The following FYN variants were observed in gnomAD, a reference collection of about 807,000 sequenced individuals.
FYN encodes tyrosine-protein kinase Fyn.
A neutral mutation model predicts 70.2 loss-of-function variants in FYN; 10 were observed. The ratio of observed to expected loss-of-function variants is 0.14; its 90% CI spans 0.09 to 0.24. The LOEUF is 0.24. Among genes scored for constraint, FYN ranks in the 10% least tolerant of loss-of-function variants. FYN has a pLI of 1.00. For synonymous variants in FYN, 236 were observed against 248.6 expected, an observed-to-expected ratio of 0.95 and a Z score of 0.48; for missense variants, 319 against 673.1, an observed-to-expected ratio of 0.47 and a Z score of 5.82.
At chr6:111,848,528 T>G (rs1035601718) in intron 1 of FYN, among the ~76,000 whole-genome samples, 1 of 152,218 alleles carries the variant, frequency 6.6e-6, no homozygotes, top group Non-Finnish European at 1.5e-5. Context: ...ATCCAATTTC[T>G]TTTTCAGGCT....
At chr6:111,727,808 A>T (rs1801259970) in intron 3 of FYN, among the ~76,000 whole-genome samples, 1 of 152,230 alleles carries the variant, frequency 6.6e-6, no homozygotes, top group Admixed American at 6.5e-5. Flanking sequence ...TACTTTAAGA[A>T]TAAGCCATAC....
chr6:111,746,879 C>CAG (rs148839242), intron 3 of FYN, among the ~76,000 whole-genome samples: 55 of 150,532 alleles, frequency 3.7e-4, no homozygotes, highest in Admixed American at 9.9e-4. Flanking sequence ...GAATGAGAGA[C>CAG]AGAGAGAGAG....
chr6:111,724,679 C>T (rs913143703), intron 3 of FYN, among the ~76,000 whole-genome samples: 1 of 152,186 alleles, frequency 6.6e-6, no homozygotes, highest in African/African-American at 2.4e-5. Context: ...AAACCGACAA[C>T]AAATAACTTT....
chr6:111,693,656 G>A (rs2128434606), intron 12 of FYN, among the ~76,000 whole-genome samples: 1 of 152,220 alleles, frequency 6.6e-6, no homozygotes, highest in South Asian at 2.1e-4. Context: ...GATGATGAAA[G>A]GAGGTAGAGA....
At chr6:111,742,967 CT>C (rs111682950) in intron 3 of FYN, among the ~76,000 whole-genome samples, 43,489 of 139,030 alleles carry the variant, frequency 0.31, 6,921 homozygotes, top group East Asian at 0.45. Context: ...TGATAAGAAT[CT>C]TTTTTTTTTT....
At chr6:111,772,228 G>T (rs562899147) in intron 3 of FYN, among the ~76,000 whole-genome samples, 1 of 152,246 alleles carries the variant, frequency 6.6e-6, no homozygotes, top group South Asian at 2.1e-4. Context: ...CAAAATCCAG[G>T]TGACCATCAA....
intron 2 of FYN, among the ~76,000 whole-genome samples, chr6:111,837,860 C>G (rs1417327558): frequency 6.6e-6 from 1 of 152,190 alleles, no homozygotes; most frequent in Non-Finnish European, 1.5e-5. Flanking sequence ...TCATGGCAGC[C>G]TTATCTGGAG....
intron 5 of FYN, among the ~76,000 whole-genome samples, chr6:111,713,271 A>G (rs1186859492): frequency 6.6e-6 from 1 of 152,136 alleles, no homozygotes; most frequent in Non-Finnish European, 1.5e-5. Context: ...TGTGGCAATC[A>G]GCACTCCTCT....
intron 10 of FYN, among the ~76,000 whole-genome samples, chr6:111,695,360 G>A (rs1472175415): frequency 1.3e-5 from 2 of 152,270 alleles, no homozygotes; most frequent in South Asian, 4.1e-4. Context: ...TTAGATCACA[G>A]CCAGCCAAGC....
chr6:111,692,674 G>A (rs1023682312), intron 12 of FYN, among the ~76,000 whole-genome samples: 2 of 152,184 alleles, frequency 1.3e-5, no homozygotes, highest in Non-Finnish European at 2.9e-5. Context: ...CACACAGAAG[G>A]GTGAGCACAC....
At chr6:111,688,581 G>A (rs931663672) in intron 12 of FYN, among the ~76,000 whole-genome samples, 4 of 152,166 alleles carry the variant, frequency 2.6e-5, no homozygotes, top group South Asian at 2.1e-4. Context: ...CAGTAAGACC[G>A]ACTCCACAGA....
intron 12 of FYN, among the ~76,000 whole-genome samples, chr6:111,685,018 A>T (rs1798935902): frequency 6.6e-6 from 1 of 151,380 alleles, no homozygotes; most frequent in African/African-American, 2.4e-5. Flanking sequence ...CTGTAAAGAG[A>T]AAACAAAACA....
chr6:111,745,766 C>T (rs1802180675), intron 3 of FYN, among the ~76,000 whole-genome samples: 1 of 152,204 alleles, frequency 6.6e-6, no homozygotes, highest in Non-Finnish European at 1.5e-5. Flanking sequence ...CATTGCAACA[C>T]AGAACACTTT....
At chr6:111,675,324 A>G (rs536654285) in intron 12 of FYN, among the ~76,000 whole-genome samples, 1 of 152,310 alleles carries the variant, frequency 6.6e-6, no homozygotes, top group South Asian at 2.1e-4. Context: ...TTCTGCCTCC[A>G]TGACTGTCTT....
intron 3 of FYN, among the ~76,000 whole-genome samples, chr6:111,740,122 A>G (rs1019015471): frequency 6.6e-6 from 1 of 152,196 alleles, no homozygotes; most frequent in African/African-American, 2.4e-5. Flanking sequence ...ATCTAGTAAA[A>G]GCTTATCAAC....
intron 2 of FYN, among the ~76,000 whole-genome samples, chr6:111,788,757 T>C (rs140759801): frequency 6.6e-6 from 1 of 152,272 alleles, no homozygotes; most frequent in Non-Finnish European, 1.5e-5. Context: ...CAAGGAAGCA[T>C]ACAAACAAAG....
intron 13 of FYN, among the ~76,000 whole-genome samples, chr6:111,672,029 G>A (rs139158898): frequency 2.9e-4 from 44 of 152,250 alleles, no homozygotes; most frequent in South Asian, 6.2e-4. Flanking sequence ...ACCAGCTCAC[G>A]ACACCCCCAA....
At chr6:111,720,454 C>T (rs1800878764) in intron 3 of FYN, among the ~76,000 whole-genome samples, 1 of 152,120 alleles carries the variant, frequency 6.6e-6, no homozygotes, top group South Asian at 2.1e-4. Context: ...GTCTATGCAA[C>T]ATTAGAATAA....
intron 3 of FYN, among the ~76,000 whole-genome samples, chr6:111,727,494 C>A (rs1159456693): frequency 3.9e-5 from 6 of 152,144 alleles, no homozygotes; most frequent in Non-Finnish European, 7.4e-5. Context: ...CTTGGTGAAG[C>A]CTGTGAGGGA....
Sources: gnomAD v4.1 joint callset for allele counts (sites outside exome capture counted in the v4.1 genomes callset) on GRCh38, gnomAD v4.1.1 for gene constraint, MANE v1.5 for transcripts, NCBI Gene and HGNC (gene_info 2026-07-23, HGNC 2026-07-21) for gene names.